Variants in MYOT observed in about 807,000 individuals in gnomAD.
MYOT encodes myotilin.
Under a neutral mutation model 58.0 loss-of-function variants are expected in MYOT, and 36 were observed. The ratio of observed to expected loss-of-function variants is 0.62; its 90% CI spans 0.48 to 0.82. The LOEUF is 0.82. Among genes scored for constraint, MYOT ranks in the 40% least tolerant of loss-of-function variants. The pLI, the probability that MYOT is intolerant of heterozygous loss-of-function variation, is 0.00. For synonymous variants in MYOT, 218 were observed against 204.6 expected (o/e 1.07, Z -0.56); for missense variants, 505 against 592.1 (o/e 0.85, Z 1.53).
chr5:137,871,632 C>T (rs1033233892), intron 2 of MYOT, among the ~76,000 whole-genome samples: 1 of 152,172 alleles, frequency 6.6e-6, no homozygotes, highest in African/African-American at 2.4e-5. Flanking sequence ...CTTACGGTTT[C>T]GTTTGGTAAT....
rs891063600 is a variant in MYOT at position 137,877,715 on chromosome 5, A to T, written c.633+94A>T. ...GCTTATAAATAGCATCTGAAATAAAAGTCGGTCAGTTCCATCCACCACTGG... is the reference window on the plus strand; with the variant it reads ...GCTTATAAATAGCATCTGAAATAAATGTCGGTCAGTTCCATCCACCACTGG... On this transcript the variant is annotated intron_variant, in intron 4 of 9. Coordinates refer to ENST00000239926, the MANE Select transcript of MYOT (RefSeq NM_006790.3). The T allele has an allele frequency of 3.0e-5, 27 of 909,996 alleles. No individual in the cohort carries two copies. In the African/African-American group the frequency reaches 4.4e-4, roughly 15 times the overall value. 56.4% of individuals were successfully genotyped at this position (909,996 alleles called of 1,614,324 possible). A position where few individuals can be genotyped will look rare whatever the true frequency, so the allele number is the denominator to read the frequency against.
intron 7 of MYOT, among the ~76,000 whole-genome samples, chr5:137,884,715 T>TA (rs1001848764): frequency 3.1e-4 from 46 of 149,146 alleles, no homozygotes; most frequent in South Asian, 1.3e-3. Context: ...TATTCTAAAA[T>TA]AAAAAAAAAA....
chr5:137,882,393 TAATA>T (rs1755465223), intron 6 of MYOT, among the ~76,000 whole-genome samples: 1 of 152,030 alleles, frequency 6.6e-6, no homozygotes, highest in African/African-American at 2.4e-5. Context: ...TAGGTATACC[TAATA>T]AATACTTTTA....
Position 137,883,490 on chromosome 5 carries a change from T to C in MYOT, c.923T>C (p.Leu308Pro). 6.2e-7 allele frequency: 1 copy of C among 1,614,136 alleles called. No homozygotes were observed. Among genetic ancestry groups the C allele is most frequent in the Non-Finnish European group, 8.5e-7 (1 of 1,179,990 alleles). Residue 308 changes from leucine to proline, a missense_variant, in exon 7 of 10, where the codon CTC becomes CCC. Transcript: ENST00000239926. The part of the protein sequence containing the change: ...MIVSEKGLHS[L>P]IFEVVRASDA... The stretch of plus-strand genomic sequence containing the variant: ...GTGTCTGAGAAGGGTCTTCATTCAC[T>C]CATCTTTGAAGTAGTCAGAGCTTCA...
chr5:137,887,463 T>C lies in MYOT; in HGVS notation c.*78T>C. ...ATTACATTTTTTTGAAATTAATCCA[T>C]AGCTGTATTAACAGATTATGGTTTT... On this transcript the variant is annotated 3_prime_UTR_variant, in exon 10 of 10. Coordinates refer to ENST00000239926, the MANE Select transcript of MYOT (RefSeq NM_006790.3). 1.5e-6 allele frequency: 2 copies of C among 1,341,378 alleles called. No individual in the cohort carries two copies. Among genetic ancestry groups the C allele is most frequent in the Non-Finnish European group, 2.1e-6 (2 of 946,034 alleles). 83.1% of individuals were successfully genotyped at this position (1,341,378 alleles called of 1,614,324 possible). A position where few individuals can be genotyped will look rare whatever the true frequency, so the allele number is the denominator to read the frequency against.
In MYOT at chr5:137,870,526, G is replaced by C. The variant is rs192572354; in HGVS notation, c.-126G>C. The stretch of plus-strand genomic sequence containing the variant: ...TCTCAACAAGGAAGAGCAGACCAAG[G>C]TTGCTTCTGATTCCTTACAACCTTC... On this transcript the variant is annotated 5_prime_UTR_variant, in exon 2 of 10. Transcript: ENST00000239926. 394 of 847,854 alleles carry C rather than the reference G, an allele frequency of 4.6e-4. No homozygotes were observed. In the African/African-American group the frequency reaches 6.1e-3, roughly 13 times the overall value. 52.5% of individuals were successfully genotyped at this position (847,854 alleles called of 1,614,324 possible). A position where few individuals can be genotyped will look rare whatever the true frequency, so the allele number is the denominator to read the frequency against.
intron 4 of MYOT, among the ~76,000 whole-genome samples, chr5:137,880,307 C>A (rs1458367653): frequency 6.6e-6 from 1 of 152,176 alleles, no homozygotes; most frequent in Non-Finnish European, 1.5e-5. Context: ...CTTACACATA[C>A]CTTTCGTGGA....
At chr5:137,878,707 C>T (rs2149984102) in intron 4 of MYOT, among the ~76,000 whole-genome samples, 1 of 152,146 alleles carries the variant, frequency 6.6e-6, no homozygotes, top group East Asian at 2.0e-4. Flanking sequence ...CCTGTAGTCC[C>T]AGCTACTCAG....
In MYOT at chr5:137,870,126, T is replaced by TA. The variant is rs566265335; in HGVS notation, c.-211-297dup. Among the ~76,000 whole-genome samples the TA allele has an allele frequency of 0.012, 1,060 of 86,844 alleles. 10 individuals are homozygous for TA. Among genetic ancestry groups the TA allele is most frequent in the East Asian group, 0.028 (93 of 3,274 alleles). 57.0% of individuals were successfully genotyped at this position (86,844 alleles called of 152,430 possible). On this transcript the variant is annotated intron_variant, in intron 1 of 9. Transcript: ENST00000239926. ...CAACATAGTGAAACCCTGTCTCTAC[T>TA]AAAAAAAAAAAAAAAAAAGAAAGAA...
At chr5:137,885,609 TA>T (rs1755570254) in intron 7 of MYOT, among the ~76,000 whole-genome samples, 2 of 150,542 alleles carry the variant, frequency 1.3e-5, no homozygotes, top group African/African-American at 2.4e-5. Flanking sequence ...CTGTGTCCAC[TA>T]AAAAAAATAC....
At chr5:137,883,640 T>G (rs747263971) in intron 7 of MYOT, 49 bp downstream of exon 7, 7 of 1,537,516 alleles carry the variant, frequency 4.6e-6, no homozygotes, top group South Asian at 1.1e-5. Flanking sequence ...CCAGAAGTAT[T>G]GAAAAAAAGA....
At chr5:137,869,672 A>AG (rs1754978666) in intron 1 of MYOT, among the ~76,000 whole-genome samples, 1 of 152,184 alleles carries the variant, frequency 6.6e-6, no homozygotes, top group African/African-American at 2.4e-5. Context: ...GGCAAAAAAA[A>AG]GAAAAAAAAG....
rs1358077631 is a variant in MYOT at position 137,886,159 on chromosome 5, A to C, written c.1136A>C (p.Lys379Thr). The change falls in exon 8 of 10, where the codon AAG (lysine) becomes ACG (threonine). Residue 379 changes from lysine to threonine, a missense_variant. Lys to Thr is a moderately conservative substitution (Grantham distance 78). Coordinates refer to ENST00000239926, the MANE Select transcript of MYOT (RefSeq NM_006790.3). Reference protein sequence around the residue: ...ECQISAIPPPKLFWKRNNEMV... With the variant: ...ECQISAIPPPTLFWKRNNEMV... ...CAGATCTCGGCTATACCTCCACCAA[A>C]GCTTTTCTGGAAAAGAAATAATGAA... 6.2e-7 allele frequency: 1 copy of C among 1,612,536 alleles called. No homozygotes were observed.
At chr5:137,878,124 A>G (rs1374257388) in intron 4 of MYOT, among the ~76,000 whole-genome samples, 4 of 152,050 alleles carry the variant, frequency 2.6e-5, no homozygotes, top group Non-Finnish European at 5.9e-5. Context: ...AAAACCCCTC[A>G]TGAGTAATTG....
chr5:137,884,344 A>G (rs1755529886), intron 7 of MYOT, among the ~76,000 whole-genome samples: 1 of 152,186 alleles, frequency 6.6e-6, no homozygotes, highest in Non-Finnish European at 1.5e-5. Flanking sequence ...ACACAGTCAG[A>G]CCTTGTTTAA....
intron 2 of MYOT, among the ~76,000 whole-genome samples, chr5:137,873,048 CAA>C (rs1324772333): frequency 6.6e-6 from 1 of 152,152 alleles, no homozygotes; most frequent in Non-Finnish European, 1.5e-5. Flanking sequence ...ATTCAGTGAA[CAA>C]AGTGACTGAG....
At position 137,871,235 on chromosome 5, in the gene MYOT, C is replaced by T. The variant is rs10053630; in HGVS notation, c.356+228C>T. Among the ~76,000 whole-genome samples the T allele has an allele frequency of 0.022, 3,419 of 152,254 alleles. 130 individuals carry two copies. Among genetic ancestry groups the T allele is most frequent in the African/African-American group, 0.078 (3,244 of 41,522 alleles). On this transcript the variant is annotated intron_variant, in intron 2 of 9. Transcript: ENST00000239926. ...GTCCAAGCTGCGCTGAATCCAATTA[C>T]CTATTACCCCATAAAATTATTTACC... is the stretch of plus-strand genomic sequence containing the variant.
intron 2 of MYOT, among the ~76,000 whole-genome samples, chr5:137,871,914 T>C (rs1755064245): frequency 6.6e-6 from 1 of 152,220 alleles, no homozygotes; most frequent in South Asian, 2.1e-4. Context: ...TGATGGAATA[T>C]GTTTTGTTGC....
chr5:137,870,647 T>C lies in MYOT; in HGVS notation c.-5T>C. The C allele has an allele frequency of 6.2e-7, 1 of 1,612,464 alleles. No homozygotes were observed. Among genetic ancestry groups the C allele is most frequent in the Non-Finnish European group, 8.5e-7 (1 of 1,178,498 alleles). ...TTGCCTTCATCTTCCATATACCAAC[T>C]AAGCATGTTTAACTACGAACGTCCA... On this transcript the variant is annotated 5_prime_UTR_variant, in exon 2 of 10. Coordinates refer to ENST00000239926, the MANE Select transcript of MYOT (RefSeq NM_006790.3).
Sources: allele counts gnomAD v4.1 joint callset (sites outside exome capture counted in the v4.1 genomes callset), GRCh38; gene constraint gnomAD v4.1.1; transcripts MANE v1.5; gene names NCBI Gene and HGNC (gene_info 2026-07-23, HGNC 2026-07-21).